TRIM37: variants seen among roughly 807,000 people sequenced by gnomAD.
TRIM37 encodes E3 ubiquitin-protein ligase TRIM37.
In TRIM37, 80 loss-of-function variants were observed where a neutral mutation model predicts 129.8. That is an observed-to-expected ratio of 0.62 (90% CI 0.51 to 0.74). The LOEUF (loss-of-function observed/expected upper bound fraction) is 0.74, where lower values mean the gene tolerates loss of function less well. Ranked by LOEUF, TRIM37 falls within the 30% of genes least tolerant of loss-of-function variation. TRIM37 has a pLI of 0.00. For missense variants in TRIM37, 1,054 were observed against 1,176.5 expected (o/e 0.90, Z 1.52); for synonymous variants, 389 against 387.1 (o/e 1.00, Z -0.06).
At chr17:59,041,348 A>G (rs999722166) in intron 17 of TRIM37, among the ~76,000 whole-genome samples, 4 of 152,348 alleles carry the variant, frequency 2.6e-5, no homozygotes, top group Admixed American at 1.3e-4. Context: ...TGAGCTCTTT[A>G]AGATCCTTCG....
chr17:59,068,184 GATTA>G lies in TRIM37; in HGVS notation c.809+2635_809+2638del, dbSNP rs1335500335. Among the ~76,000 whole-genome samples, 5 of 152,330 alleles carry G rather than the reference GATTA, an allele frequency of 3.3e-5. No individual in the cohort carries two copies. The South Asian group carries it at 6.2e-4, about 19-fold the overall frequency. ...GAGAAAGAGAGAAGGCCCTGAAAGT[GATTA>G]ATTAACAGACTAGCGAGCATTGTTG... On this transcript the variant is annotated intron_variant, in intron 9 of 23. Coordinates refer to ENST00000262294, the MANE Select transcript of TRIM37 (RefSeq NM_015294.6).
chr17:59,061,128 T>C lies in TRIM37; in HGVS notation c.943-20A>G, dbSNP rs1245088835. On this transcript the variant is annotated intron_variant, in intron 11 of 23. Transcript: ENST00000262294. ...TCCATCCTAAAAGAAGAATAATCAGTTTGAGTGTAAAAAAATTAAGCCACA... is the reference window on the plus strand; with the variant it reads ...TCCATCCTAAAAGAAGAATAATCAGCTTGAGTGTAAAAAAATTAAGCCACA... 6.2e-7 allele frequency: 1 copy of C among 1,606,542 alleles called. No homozygotes were observed. Among genetic ancestry groups the C allele is most frequent in the Non-Finnish European group, 8.5e-7 (1 of 1,173,536 alleles).
intron 7 of TRIM37, 85 bp from the exon 8 acceptor site, chr17:59,075,799 C>A (rs1355033102): frequency 2.8e-6 from 3 of 1,065,014 alleles, no homozygotes; most frequent in Non-Finnish European, 4.3e-6. Flanking sequence ...TATTTAATAA[C>A]AAGAAATACA....
chr17:58,977,440 CAA>C, the TRIM37 span, among the ~76,000 whole-genome samples: 27 of 62,004 alleles, frequency 4.4e-4, no homozygotes, highest in Non-Finnish European at 4.4e-4. Flanking sequence ...GACTCTGTCT[CAA>C]AAAAAAAAAA....
rs549745618 is a variant in TRIM37, at chr17:59,006,205, T to C, written c.2696-4491A>G. The stretch of plus-strand genomic sequence containing the variant: ...CAAGCACTAAGATCTGGAAGTTTCC[T>C]ACCTTTGTGAATGTAAAGAAAAAGA... On this transcript the variant is annotated intron_variant, in intron 22 of 23. Transcript: ENST00000262294. 3.9e-5 allele frequency among the ~76,000 whole-genome samples: 6 copies of C among 152,334 alleles called. No homozygotes were observed. The South Asian group carries it at 6.2e-4, about 16-fold the overall frequency.
At chr17:59,033,442 T>G (rs1263030415) in intron 17 of TRIM37, among the ~76,000 whole-genome samples, 2 of 152,134 alleles carry the variant, frequency 1.3e-5, no homozygotes, top group Non-Finnish European at 2.9e-5. Flanking sequence ...AACTGTTCTT[T>G]GTTGTGTTTT....
downstream of TRIM37, among the ~76,000 whole-genome samples, chr17:58,977,804 G>A (rs1304230777): frequency 1.3e-5 from 2 of 152,064 alleles, no homozygotes; most frequent in Admixed American, 6.5e-5. Context: ...GTGCAGTGGC[G>A]CAATCTGGGC....
At position 58,983,001 on chromosome 17, in the gene TRIM37, G is replaced by A. The variant is rs1477851777; in HGVS notation, c.2892-80C>T. 10 of 1,313,360 alleles carry A rather than the reference G, an allele frequency of 7.6e-6. No homozygotes were observed. The South Asian group carries it at 1.1e-4, about 14-fold the overall frequency. 81.4% of individuals were successfully genotyped at this position (1,313,360 alleles called of 1,614,324 possible). ...AGTGCTTAGCGAAGTAAAAAAAAAAGCTTTTTAAAATTTCTATTGTTGTCT... is the reference window on the plus strand; with the variant it reads ...AGTGCTTAGCGAAGTAAAAAAAAAAACTTTTTAAAATTTCTATTGTTGTCT... On this transcript the variant is annotated intron_variant, in intron 24 of 24. Transcript: ENST00000393066.
chr17:59,006,952 C>T (rs1396750770), intron 22 of TRIM37, among the ~76,000 whole-genome samples: 1 of 151,730 alleles, frequency 6.6e-6, no homozygotes, highest in Non-Finnish European at 1.5e-5. Context: ...CAGTGGCTGA[C>T]GAGATAGAAG....
chr17:59,085,743 C>T (rs2043691794), intron 4 of TRIM37, among the ~76,000 whole-genome samples: 1 of 152,102 alleles, frequency 6.6e-6, no homozygotes, highest in South Asian at 2.1e-4. Flanking sequence ...CATGAACATC[C>T]ATAGTCATAG....
intron 12 of TRIM37, among the ~76,000 whole-genome samples, chr17:59,057,451 A>G (rs1192014965): frequency 6.6e-6 from 1 of 152,120 alleles, no homozygotes; most frequent in Admixed American, 6.5e-5. Context: ...CAGGTGATCC[A>G]CCCACCTTGG....
chr17:59,007,542 G>A (rs1016628888), intron 22 of TRIM37, among the ~76,000 whole-genome samples: 2 of 152,016 alleles, frequency 1.3e-5, no homozygotes, highest in African/African-American at 4.8e-5. Flanking sequence ...TTAACTGAAG[G>A]GGGTATGTGC....
At chr17:59,073,756 C>A (rs2042582680) in intron 8 of TRIM37, among the ~76,000 whole-genome samples, 1 of 152,192 alleles carries the variant, frequency 6.6e-6, no homozygotes. Flanking sequence ...TACACCCCAT[C>A]TCAATACTGT....
chr17:58,981,041 C>G (rs2031329930), downstream of TRIM37: 1 of 1,561,730 alleles, frequency 6.4e-7, no homozygotes. Context: ...ATTTTTCTTT[C>G]AAGTAGGTTA....
chr17:59,042,437 A>ATATATATATAT (rs2039298010), intron 16 of TRIM37, among the ~76,000 whole-genome samples: 3 of 74,248 alleles, frequency 4.0e-5, no homozygotes, highest in African/African-American at 2.1e-4. Flanking sequence ...AATTTAAAAA[A>ATATATATATAT]AAAAAAAAAA....
intron 19 of TRIM37, among the ~76,000 whole-genome samples, chr17:59,025,490 T>C (rs921325824): frequency 2.6e-5 from 4 of 151,868 alleles, no homozygotes; most frequent in African/African-American, 9.7e-5. Context: ...ATTTTAAAAC[T>C]CTGTGATTAG....
At chr17:58,986,661 G>A (rs967986772) in intron 24 of TRIM37, among the ~76,000 whole-genome samples, 2 of 151,716 alleles carry the variant, frequency 1.3e-5, no homozygotes, top group African/African-American at 4.8e-5. Flanking sequence ...TACAGGCGTC[G>A]GCCACCACGC....
At chr17:58,986,087 C>T (rs952171158) in intron 24 of TRIM37, among the ~76,000 whole-genome samples, 1 of 152,150 alleles carries the variant, frequency 6.6e-6, no homozygotes, top group African/African-American at 2.4e-5. Flanking sequence ...ATTTGAACAT[C>T]ATAGAAATTT....
chr17:58,974,450 C>T, the TRIM37 span, among the ~76,000 whole-genome samples: 7 of 152,076 alleles, frequency 4.6e-5, no homozygotes, highest in African/African-American at 1.4e-4. Context: ...CGGTCTAAAA[C>T]GTAGAGATTA....
Sources: gnomAD v4.1 joint callset for allele counts (sites outside exome capture counted in the v4.1 genomes callset) on GRCh38, gnomAD v4.1.1 for gene constraint, MANE v1.5 for transcripts, NCBI Gene and HGNC (gene_info 2026-07-23, HGNC 2026-07-21) for gene names.